The following C16orf87 variants were observed in gnomAD, a reference collection of about 807,000 sequenced individuals.
The protein encoded by C16orf87 is HDAC and MIER1 interacting protein 1, also known as UPF0547 protein C16orf87.
Under a neutral mutation model 21.0 loss-of-function variants are expected in C16orf87, and 13 were observed. The ratio of observed to expected loss-of-function variants is 0.62; its 90% CI spans 0.40 to 0.98. The LOEUF is 0.98. C16orf87 is among the 50% of genes least tolerant of loss of function. The probability of loss-of-function intolerance (pLI) is 0.00; values close to 1 mark genes in which losing one functional copy is unlikely to be tolerated. For synonymous variants in C16orf87, 49 were observed against 60.2 expected (o/e 0.81, Z 0.86); for missense variants, 113 against 180.4 (o/e 0.63, Z 2.14).
chr16:46,821,075 T>A (rs1334348447), intron 2 of C16orf87, among the ~76,000 whole-genome samples: 1 of 152,214 alleles, frequency 6.6e-6, no homozygotes, highest in Non-Finnish European at 1.5e-5. Context: ...GACCTTAAAC[T>A]CTTCTCAATT....
At chr16:46,814,926 C>T (rs1968195324) in intron 2 of C16orf87, among the ~76,000 whole-genome samples, 1 of 152,140 alleles carries the variant, frequency 6.6e-6, no homozygotes, top group Non-Finnish European at 1.5e-5. Context: ...CCAAAACAAT[C>T]TTGAAAAAAT....
chr16:46,815,526 G>C (rs1446124168), intron 2 of C16orf87, among the ~76,000 whole-genome samples: 1 of 151,762 alleles, frequency 6.6e-6, no homozygotes, highest in Non-Finnish European at 1.5e-5. Context: ...ATAATATAAA[G>C]AATTTACAAG....
rs148920781 is a variant in C16orf87, at chr16:46,805,365, A to G, written c.347-2295T>C. Among the ~76,000 whole-genome samples the G allele has an allele frequency of 7.3e-3, 1,108 of 152,052 alleles. 12 individuals are homozygous for G. The highest frequency in any genetic ancestry group is 0.025 in the African/African-American group (1,036 of 41,494). ...CTTCAATTTTATCTTTAAGCCTTTT[A>G]TTAAAGTTGTTCATTTCTGTGTATC... On this transcript the variant is annotated intron_variant, in intron 3 of 3. Coordinates refer to ENST00000285697, the MANE Select transcript of C16orf87 (RefSeq NM_001001436.4).
intron 2 of C16orf87, among the ~76,000 whole-genome samples, chr16:46,817,943 C>T (rs1031487221): frequency 1.1e-3 from 137 of 119,214 alleles, no homozygotes; most frequent in Non-Finnish European, 2.0e-3. Flanking sequence ...AAAAAAACCA[C>T]AAAAATCAAC....
Position 46,800,399 on chromosome 16 carries a change from A to T in C16orf87, c.*2553T>A, listed in dbSNP as rs1967736723. On this transcript the variant is annotated 3_prime_UTR_variant, in exon 4 of 4. Coordinates refer to ENST00000285697, the MANE Select transcript of C16orf87 (RefSeq NM_001001436.4). ...AAAAAATACCCATGAAAATCTAAGA[A>T]ATGTTCATTTCTAAAACTAACAAAC... 1 of 152,206 alleles carries T rather than the reference A, an allele frequency of 6.6e-6. No individual in the cohort carries two copies. The highest frequency in any genetic ancestry group is 2.4e-5 in the African/African-American group (1 of 41,442). The allele number at this position is 152,206 out of a possible 1,614,324, so 9.4% of individuals were successfully genotyped here.
In C16orf87 at chr16:46,801,682, T is replaced by C. The variant is rs1466035531; in HGVS notation, c.*1270A>G. On this transcript the variant is annotated 3_prime_UTR_variant, in exon 4 of 4. Coordinates refer to ENST00000285697, the MANE Select transcript of C16orf87 (RefSeq NM_001001436.4). ...CATTTAAATAAAGTAGGAAAAAATG[T>C]TGACCTTTTTTCTTTGAGGAGGTGA... is the stretch of plus-strand genomic sequence containing the variant. 2 of 152,198 alleles carry C rather than the reference T, an allele frequency of 1.3e-5. No homozygotes were observed. The highest frequency in any genetic ancestry group is 2.4e-5 in the African/African-American group (1 of 41,452). 9.4% of individuals were successfully genotyped at this position (152,198 alleles called of 1,614,324 possible).
In C16orf87 at chr16:46,800,401, TG is replaced by T. The variant is rs1340777988; in HGVS notation, c.*2550del. 6.6e-6 allele frequency: 1 copy of T among 152,180 alleles called. No individual in the cohort carries two copies. Among genetic ancestry groups the T allele is most frequent in the Non-Finnish European group, 1.5e-5 (1 of 68,018 alleles). The allele number at this position is 152,180 out of a possible 1,614,324, so 9.4% of individuals were successfully genotyped here. Reference sequence around the variant, plus strand: ...AAAATACCCATGAAAATCTAAGAAATGTTCATTTCTAAAACTAACAAACAAA... The same window carrying T: ...AAAATACCCATGAAAATCTAAGAAATTTCATTTCTAAAACTAACAAACAAA... On this transcript the variant is annotated 3_prime_UTR_variant, in exon 4 of 4. Coordinates refer to ENST00000285697, the MANE Select transcript of C16orf87 (RefSeq NM_001001436.4).
chr16:46,806,232 T>C (rs1967923119), intron 3 of C16orf87, among the ~76,000 whole-genome samples: 1 of 151,902 alleles, frequency 6.6e-6, no homozygotes. Flanking sequence ...CAATCCACAA[T>C]CTTCAGCTTG....
chr16:46,826,415 C>T (rs1959621076), intron 1 of C16orf87, among the ~76,000 whole-genome samples: 1 of 152,178 alleles, frequency 6.6e-6, no homozygotes. Flanking sequence ...TATGTAAAAA[C>T]TGAGTTAAAA....
intron 3 of C16orf87, chr16:46,808,040 A>G (rs1454617952): frequency 2.2e-6 from 1 of 455,908 alleles, no homozygotes; most frequent in Non-Finnish European, 4.4e-6. Flanking sequence ...TTTCTGAGCC[A>G]GGCAGTATTT....
At chr16:46,811,995 G>A (rs1249828605) in intron 2 of C16orf87, among the ~76,000 whole-genome samples, 1 of 151,990 alleles carries the variant, frequency 6.6e-6, no homozygotes, top group Non-Finnish European at 1.5e-5. Context: ...TGTAATCCCA[G>A]CACCTTGGGA....
At chr16:46,817,835 T>C (rs1959250422) in intron 2 of C16orf87, among the ~76,000 whole-genome samples, 1 of 142,392 alleles carries the variant, frequency 7.0e-6, no homozygotes, top group Non-Finnish European at 1.5e-5. Context: ...TAAAGATGAA[T>C]ATAGATATCA....
At chr16:46,811,522 G>A (rs184059676) in intron 2 of C16orf87, among the ~76,000 whole-genome samples, 195 of 149,768 alleles carry the variant, frequency 1.3e-3, no homozygotes, top group Non-Finnish European at 1.4e-3. Context: ...AAAAAAGAGA[G>A]AGAGAAGCAG....
intron 3 of C16orf87, among the ~76,000 whole-genome samples, chr16:46,807,129 G>C (rs1448170137): frequency 6.6e-6 from 1 of 152,216 alleles, no homozygotes; most frequent in Non-Finnish European, 1.5e-5. Context: ...AGAGTACAAT[G>C]GTTTACAACA....
intron 2 of C16orf87, among the ~76,000 whole-genome samples, chr16:46,818,260 T>C (rs571215280): frequency 1.4e-4 from 22 of 152,354 alleles, no homozygotes; most frequent in Admixed American, 1.4e-3. Context: ...CTTATACTAC[T>C]GAATTAATAC....
chr16:46,817,637 G>T (rs1007043807), intron 2 of C16orf87, among the ~76,000 whole-genome samples: 14 of 151,902 alleles, frequency 9.2e-5, no homozygotes, highest in African/African-American at 3.4e-4. Context: ...GCAGTAAGCC[G>T]ATATCAGGCC....
Position 46,809,497 on chromosome 16 carries a change from AT to A in C16orf87, c.346+105del, listed in dbSNP as rs200223465. The A allele has an allele frequency of 2.5e-3, 1,722 of 692,758 alleles. 31 individuals are homozygous for A. The African/African-American group carries it at 0.028, about 11-fold the overall frequency. The allele number at this position is 692,758 out of a possible 1,614,324, so 42.9% of individuals were successfully genotyped here. On this transcript the variant is annotated intron_variant, in intron 3 of 3. Transcript: ENST00000285697. ...CTTTCAAACTAAAATATGAGTTGTG[AT>A]TTTTAAGTCCAGGAGCTCAATGCCT...
At chr16:46,827,055 CACTG>C (rs1389761860) in intron 1 of C16orf87, among the ~76,000 whole-genome samples, 1 of 152,190 alleles carries the variant, frequency 6.6e-6, no homozygotes, top group Non-Finnish European at 1.5e-5. Context: ...AATGCACAAA[CACTG>C]ACTAACTGAA....
At chr16:46,817,457 C>T (rs1359906179) in intron 2 of C16orf87, among the ~76,000 whole-genome samples, 2 of 152,112 alleles carry the variant, frequency 1.3e-5, no homozygotes, top group South Asian at 2.1e-4. Flanking sequence ...GAGGCAGAGG[C>T]GGGCAGCTCC....
Sources: allele counts gnomAD v4.1 joint callset (sites outside exome capture counted in the v4.1 genomes callset), GRCh38; gene constraint gnomAD v4.1.1; transcripts MANE v1.5; gene names NCBI Gene and HGNC (gene_info 2026-07-23, HGNC 2026-07-21).